The following FOXJ3 variants were observed in gnomAD, a reference collection of about 807,000 sequenced individuals.
The protein encoded by FOXJ3 is forkhead box protein J3.
In FOXJ3, 22 loss-of-function variants were observed where a neutral mutation model predicts 76.1. That is an observed-to-expected ratio of 0.29 (90% CI 0.21 to 0.41). The LOEUF (loss-of-function observed/expected upper bound fraction) is 0.41, where lower values mean the gene tolerates loss of function less well. Ranked by LOEUF, FOXJ3 falls within the 10% of genes least tolerant of loss-of-function variation. The pLI is 1.00. For missense variants in FOXJ3, 613 were observed against 762.1 expected, an observed-to-expected ratio of 0.80 and a Z score of 2.30; for synonymous variants, 269 against 261.2, an observed-to-expected ratio of 1.03 and a Z score of -0.29.
At chr1:42,242,412 T>C (rs558443439) in intron 4 of FOXJ3, among the ~76,000 whole-genome samples, 42 of 151,800 alleles carry the variant, frequency 2.8e-4, no homozygotes, top group African/African-American at 9.9e-4. Flanking sequence ...GGGACAGATA[T>C]CATTAAAAAG....
chr1:42,331,382 AAATAAT>A (rs202136162), intron 1 of FOXJ3, among the ~76,000 whole-genome samples: 2 of 151,972 alleles, frequency 1.3e-5, no homozygotes, highest in Non-Finnish European at 1.5e-5. Context: ...ACTCTGTCTC[AAATAAT>A]AATAATAATA....
At chr1:42,182,262 C>T (rs951574016) in intron 11 of FOXJ3, among the ~76,000 whole-genome samples, 22 of 152,320 alleles carry the variant, frequency 1.4e-4, no homozygotes, top group Non-Finnish European at 7.3e-5. Flanking sequence ...ACTAACTGTA[C>T]GCTGGTAGGC....
In FOXJ3 at chr1:42,188,926, G is replaced by T; in HGVS notation, c.1456C>A (p.Leu486Met). 1 of 1,574,958 alleles carries T rather than the reference G, an allele frequency of 6.3e-7. No individual in the cohort carries two copies. The highest frequency in any genetic ancestry group is 1.1e-5 in the South Asian group (1 of 87,046). The stretch of plus-strand genomic sequence containing the variant: ...TCTGCCTGTCTCATACTCTCCATCA[G>T]ACCTATGAGGAAAGCATTAAAAATA... ...SDVDLSQFQG[L>M]MESMRQADLK... Residue 486 changes from leucine to methionine, a missense_variant and splice_region_variant, in exon 11 of 13, where the codon CTG (leucine) becomes ATG (methionine). Around this residue, in one of 3 missense-constraint regions of FOXJ3, gnomAD observed 526 missense variants for 601.4 expected, o/e 0.87. Coordinates refer to ENST00000361346, the MANE Select transcript of FOXJ3 (RefSeq NM_014947.5).
intron 10 of FOXJ3, 122 bp from the exon 11 acceptor site, chr1:42,189,050 T>C (rs1646492297): frequency 1.6e-6 from 1 of 642,318 alleles, no homozygotes; most frequent in Admixed American, 3.2e-5. Flanking sequence ...ATGGTAGTGA[T>C]TTATCCACGC....
chr1:42,290,713 T>G (rs1653362160), intron 2 of FOXJ3, among the ~76,000 whole-genome samples: 2 of 152,188 alleles, frequency 1.3e-5, no homozygotes, highest in Non-Finnish European at 2.9e-5. Flanking sequence ...TTTCTTCTTA[T>G]GAAGTACAGC....
At position 42,308,735 on chromosome 1, in the gene FOXJ3, G is replaced by A. The variant is rs965095465; in HGVS notation, c.44+2315C>T. On this transcript the variant is annotated intron_variant, in intron 2 of 12. Coordinates refer to ENST00000361346, the MANE Select transcript of FOXJ3 (RefSeq NM_014947.5). ...TTCTGATTCTAGAATATTGTGCAGAGGAATTACAACACAATGAGTAAATTA... is the reference window on the plus strand; with the variant it reads ...TTCTGATTCTAGAATATTGTGCAGAAGAATTACAACACAATGAGTAAATTA... 9.2e-5 allele frequency among the ~76,000 whole-genome samples: 14 copies of A among 152,112 alleles called. 1 individual carries two copies. Among genetic ancestry groups the A allele is most frequent in the South Asian group, 6.2e-4 (3 of 4,816 alleles).
chr1:42,313,341 A>G (rs984421791), intron 1 of FOXJ3, among the ~76,000 whole-genome samples: 4 of 151,916 alleles, frequency 2.6e-5, no homozygotes, highest in Admixed American at 2.6e-4. Flanking sequence ...CCGTCTCAAA[A>G]AAAAAAAAAA....
chr1:42,260,880 G>C lies in FOXJ3; in HGVS notation c.444+4235C>G, dbSNP rs554926572. ...TGAATTAACTGTAGTTATTTCCCCA[G>C]GATAGTCAGGTGGCCTTCATGTGGT... On this transcript the variant is annotated intron_variant, in intron 4 of 12. Coordinates refer to ENST00000361346, the MANE Select transcript of FOXJ3 (RefSeq NM_014947.5). Among the ~76,000 whole-genome samples, 5 of 152,186 alleles carry C rather than the reference G, an allele frequency of 3.3e-5. No homozygotes were observed. In the South Asian group the frequency reaches 1.0e-3, roughly 32 times the overall value.
chr1:42,248,552 A>C (rs1205321159), intron 4 of FOXJ3, among the ~76,000 whole-genome samples: 2 of 139,492 alleles, frequency 1.4e-5, no homozygotes, highest in Non-Finnish European at 1.6e-5. Flanking sequence ...AAAAAAAAAA[A>C]GACAACATTT....
At chr1:42,231,720 G>A (rs962666805) in intron 4 of FOXJ3, among the ~76,000 whole-genome samples, 1 of 152,018 alleles carries the variant, frequency 6.6e-6, no homozygotes, top group African/African-American at 2.4e-5. Context: ...ATGGCGTAAT[G>A]CAGCCTTGAC....
At chr1:42,256,990 T>C (rs964765691) in intron 4 of FOXJ3, among the ~76,000 whole-genome samples, 1 of 151,962 alleles carries the variant, frequency 6.6e-6, no homozygotes, top group African/African-American at 2.4e-5. Context: ...TGTAGTTCTA[T>C]TATGTGAACT....
chr1:42,189,353 C>T lies in FOXJ3; in HGVS notation c.1403G>A (p.Arg468Gln), dbSNP rs1002672690. ...TGACCAATTAACACTGCTGGCAATT[C>T]GACAGCTTTCTTTTAGCATATCAAG... is the stretch of plus-strand genomic sequence containing the variant. ...ATLDMLKESCRIASSVNWSDV... is the reference protein window; with the variant it reads ...ATLDMLKESCQIASSVNWSDV... Residue 468 changes from arginine to glutamine, a missense_variant, in exon 10 of 13, where the codon CGA (arginine) becomes CAA (glutamine). By Grantham distance (43) the Arg-to-Gln change is conservative (BLOSUM62 1). Coordinates refer to ENST00000361346, the MANE Select transcript of FOXJ3 (RefSeq NM_014947.5). 2 of 1,613,690 alleles carry T rather than the reference C, an allele frequency of 1.2e-6. No individual in the cohort carries two copies. Among genetic ancestry groups the T allele is most frequent in the Non-Finnish European group, 1.7e-6 (2 of 1,179,686 alleles).
chr1:42,216,010 C>T (rs560289384), intron 5 of FOXJ3, among the ~76,000 whole-genome samples: 3 of 152,064 alleles, frequency 2.0e-5, no homozygotes, highest in African/African-American at 7.2e-5. Context: ...ATTTATATAA[C>T]ATATCATATA....
At chr1:42,328,429 A>G (rs1396539279) in intron 1 of FOXJ3, among the ~76,000 whole-genome samples, 1 of 152,238 alleles carries the variant, frequency 6.6e-6, no homozygotes, top group Non-Finnish European at 1.5e-5. Flanking sequence ...GTCCCACTCT[A>G]CAAGTATGAG....
At chr1:42,233,590 ATGTT>A (rs1367186165) in intron 4 of FOXJ3, among the ~76,000 whole-genome samples, 1 of 42,564 alleles carries the variant, frequency 2.3e-5, no homozygotes, top group Admixed American at 3.2e-4. Flanking sequence ...ATTTGGCTCT[ATGTT>A]TGTCTGTTAT....
chr1:42,296,618 G>A (rs916576938), intron 2 of FOXJ3, among the ~76,000 whole-genome samples: 1 of 152,170 alleles, frequency 6.6e-6, no homozygotes, highest in African/African-American at 2.4e-5. Flanking sequence ...GTTGGTTGTA[G>A]GTATGTGGCT....
At chr1:42,235,357 A>G (rs777806712) in intron 4 of FOXJ3, among the ~76,000 whole-genome samples, 2 of 152,180 alleles carry the variant, frequency 1.3e-5, no homozygotes, top group African/African-American at 2.4e-5. Context: ...TTTTCGGGTG[A>G]GGTAATGCCT....
At chr1:42,322,701 G>A (rs940618037) in intron 1 of FOXJ3, among the ~76,000 whole-genome samples, 5 of 151,940 alleles carry the variant, frequency 3.3e-5, no homozygotes, top group Non-Finnish European at 2.9e-5. Flanking sequence ...AGAAGAAAAT[G>A]GGCATTCATT....
Position 42,189,156 on chromosome 1 carries a change from A to T in FOXJ3, c.1453+147T>A, listed in dbSNP as rs376025587. On this transcript the variant is annotated intron_variant, in intron 10 of 12. Coordinates refer to ENST00000361346, the MANE Select transcript of FOXJ3 (RefSeq NM_014947.5). ...TTGTCTGTGACCCTCTGCTATACCA[A>T]GTGGCCAAAATTATTATGAATTTTA... 3.3e-5 allele frequency: 22 copies of T among 669,386 alleles called. No individual in the cohort carries two copies. The African/African-American group carries it at 3.8e-4, about 12-fold the overall frequency. 41.5% of individuals were successfully genotyped at this position (669,386 alleles called of 1,614,324 possible).
Sources: allele counts gnomAD v4.1 joint callset (sites outside exome capture counted in the v4.1 genomes callset), GRCh38; gene constraint gnomAD v4.1.1; regional missense constraint gnomAD v4.1.1; transcripts MANE v1.5; gene names NCBI Gene and HGNC (gene_info 2026-07-23, HGNC 2026-07-21).